Variants in REV3L observed in about 807,000 individuals in gnomAD.
The protein encoded by REV3L is DNA polymerase zeta catalytic subunit.
Under a neutral mutation model 299.4 loss-of-function variants are expected in REV3L, and 69 were observed. That is an observed-to-expected ratio of 0.23 (90% CI 0.19 to 0.28). REV3L has a LOEUF of 0.28. Among genes scored for constraint, REV3L ranks in the 10% least tolerant of loss-of-function variants. REV3L has a pLI of 1.00. For synonymous variants in REV3L, 1,238 were observed against 1,271.4 expected, an observed-to-expected ratio of 0.97 and a Z score of 0.56; for missense variants, 3,128 against 3,693.8, an observed-to-expected ratio of 0.85 and a Z score of 3.97.
At chr6:111,441,663 T>A (rs893385701) in intron 1 of REV3L, among the ~76,000 whole-genome samples, 8 of 152,234 alleles carry the variant, frequency 5.3e-5, no homozygotes, top group African/African-American at 1.9e-4. Context: ...CATATCTAGC[T>A]GGGAGTTAAG....
Position 111,381,310 on chromosome 6 carries a change from A to G in REV3L, c.1216+15T>C. The G allele has an allele frequency of 6.2e-7, 1 of 1,612,192 alleles. No homozygotes were observed. The highest frequency in any genetic ancestry group is 1.1e-5 in the South Asian group (1 of 90,736). ...AATTACAATACTGAATATTTATGGT[A>G]GCACTGTTACTTACTGAAAACAGGT... On this transcript the variant is annotated intron_variant, in intron 10 of 31. Coordinates refer to ENST00000368802, the MANE Select transcript of REV3L (RefSeq NM_001372078.1).
chr6:111,307,868 G>A (rs1197414016), intron 30 of REV3L: 2 of 332,750 alleles, frequency 6.0e-6, no homozygotes, highest in East Asian at 1.5e-4. Flanking sequence ...CATGTGCCAT[G>A]TTGGTTTGCT....
In REV3L at chr6:111,405,631, C is replaced by T; in HGVS notation, c.405-1G>A. On this transcript the variant is annotated splice_acceptor_variant, in intron 3 of 31. Coordinates refer to ENST00000368802, the MANE Select transcript of REV3L (RefSeq NM_001372078.1). LOFTEE classifies it high-confidence loss of function. ...TCCGCTTTGCAAAAGTTCACATATC[C>T]TAAATTAGAAAAAAAAAGTTTTATC... The T allele has an allele frequency of 6.4e-7, 1 of 1,572,174 alleles. No individual in the cohort carries two copies. Among genetic ancestry groups the T allele is most frequent in the Non-Finnish European group, 8.6e-7 (1 of 1,164,300 alleles).
chr6:111,351,613 G>T, intron 19 of REV3L, 63 bp downstream of exon 19: 1 of 1,299,734 alleles, frequency 7.7e-7, no homozygotes, highest in Non-Finnish European at 1.1e-6. Flanking sequence ...TTAACATTCT[G>T]TCTTTATTTC....
At chr6:111,361,023 A>G (rs538560364) in intron 16 of REV3L, among the ~76,000 whole-genome samples, 2 of 152,112 alleles carry the variant, frequency 1.3e-5, no homozygotes, top group Admixed American at 6.6e-5. Context: ...TAAATAAAAA[A>G]TTTTTAAATG....
intron 20 of REV3L, among the ~76,000 whole-genome samples, chr6:111,346,470 A>C (rs1350541959): frequency 6.6e-6 from 1 of 152,202 alleles, no homozygotes; most frequent in African/African-American, 2.4e-5. Flanking sequence ...ATATTAAAAA[A>C]ACAAACAAAA....
chr6:111,385,498 A>T (rs562424513), intron 9 of REV3L, among the ~76,000 whole-genome samples: 1 of 152,214 alleles, frequency 6.6e-6, no homozygotes, highest in Non-Finnish European at 1.5e-5. Flanking sequence ...ATGAATACTT[A>T]AGAGAAAATT....
chr6:111,473,808 A>G (rs1792552773), intron 1 of REV3L, among the ~76,000 whole-genome samples: 2 of 152,174 alleles, frequency 1.3e-5, no homozygotes, highest in African/African-American at 4.8e-5. Context: ...AGGTGATGAG[A>G]GCTGAAGAGT....
At chr6:111,465,415 AAAAC>A in intron 1 of REV3L, among the ~76,000 whole-genome samples, 1 of 151,816 alleles carries the variant, frequency 6.6e-6, no homozygotes, top group African/African-American at 2.4e-5. Context: ...ACAAGAGTGA[AAAAC>A]AAAATCAAAC....
chr6:111,408,144 A>T (rs78480695), intron 3 of REV3L, among the ~76,000 whole-genome samples: 4,666 of 152,296 alleles, frequency 0.031, 222 homozygotes, highest in African/African-American at 0.11. Context: ...ACATCAAAGA[A>T]GATGAATCTT....
intron 30 of REV3L, chr6:111,308,155 T>C (rs1772550425): frequency 5.0e-6 from 2 of 398,906 alleles, no homozygotes; most frequent in East Asian, 7.8e-5. Context: ...ATGGTGTATA[T>C]GTGCCACATT....
chr6:111,417,362 TG>T (rs1192078117), intron 1 of REV3L, among the ~76,000 whole-genome samples: 1 of 152,206 alleles, frequency 6.6e-6, no homozygotes, highest in Non-Finnish European at 1.5e-5. Flanking sequence ...CAGGGCTGTA[TG>T]GAAGTGGTTA....
chr6:111,482,258 G>A (rs1343074245), intron 1 of REV3L, among the ~76,000 whole-genome samples: 2 of 152,130 alleles, frequency 1.3e-5, no homozygotes, highest in Admixed American at 6.5e-5. Context: ...GGAGAGCGAG[G>A]GTGAGAAGAG....
intron 20 of REV3L, among the ~76,000 whole-genome samples, chr6:111,344,774 G>C (rs1269333221): frequency 6.6e-6 from 1 of 152,098 alleles, no homozygotes; most frequent in African/African-American, 2.4e-5. Context: ...CCCATTCTTA[G>C]GTCAGTTTCG....
intron 27 of REV3L, among the ~76,000 whole-genome samples, chr6:111,314,051 G>T (rs938055259): frequency 6.6e-6 from 1 of 152,304 alleles, no homozygotes; most frequent in African/African-American, 2.4e-5. Context: ...TACAACAAGA[G>T]ACTGCTTATA....
At chr6:111,464,172 C>T (rs942448993) in intron 1 of REV3L, among the ~76,000 whole-genome samples, 6 of 151,918 alleles carry the variant, frequency 3.9e-5, no homozygotes, top group East Asian at 1.9e-4. Context: ...CATATACCAG[C>T]GAACTGTGCA....
chr6:111,391,550 A>T (rs1161985850), intron 5 of REV3L, among the ~76,000 whole-genome samples: 1 of 152,234 alleles, frequency 6.6e-6, no homozygotes, highest in Non-Finnish European at 1.5e-5. Context: ...AAACACACGT[A>T]TCTTTTCACC....
intron 1 of REV3L, among the ~76,000 whole-genome samples, chr6:111,440,819 A>C (rs1788179080): frequency 6.6e-6 from 1 of 152,194 alleles, no homozygotes; most frequent in Non-Finnish European, 1.5e-5. Flanking sequence ...TTTGTCTGAG[A>C]AAGTTTTTTA....
chr6:111,416,857 G>A (rs1399160023), intron 1 of REV3L, among the ~76,000 whole-genome samples: 2 of 152,154 alleles, frequency 1.3e-5, no homozygotes, highest in Admixed American at 6.5e-5. Flanking sequence ...ATAAATCAAT[G>A]AATGCCTGTC....
Sources: allele counts gnomAD v4.1 joint callset (sites outside exome capture counted in the v4.1 genomes callset), GRCh38; gene constraint gnomAD v4.1.1; transcripts MANE v1.5; gene names NCBI Gene and HGNC (gene_info 2026-07-23, HGNC 2026-07-21).